CCSER1: variants seen among roughly 807,000 people sequenced by gnomAD.
CCSER1 encodes coiled-coil serine rich protein 1, also known as serine-rich coiled-coil domain-containing protein 1.
Under a neutral mutation model 82.0 loss-of-function variants are expected in CCSER1, and 41 were observed. The ratio of observed to expected loss-of-function variants is 0.50; its 90% CI spans 0.39 to 0.65. CCSER1 has a LOEUF of 0.65. CCSER1 is among the 30% of genes least tolerant of loss of function. CCSER1 has a pLI of 0.00. For missense variants in CCSER1, 1,119 were observed against 1,064.2 expected (o/e 1.05, Z -0.72); for synonymous variants, 414 against 383.9 (o/e 1.08, Z -0.92).
intron 9 of CCSER1, among the ~76,000 whole-genome samples, chr4:91,020,670 A>G (rs1739873314): frequency 6.6e-6 from 1 of 152,200 alleles, no homozygotes; most frequent in South Asian, 2.1e-4. Context: ...TCAAAAAAAA[A>G]AAAGTACATA....
chr4:90,216,703 A>T (rs961173031), intron 1 of CCSER1, among the ~76,000 whole-genome samples: 1 of 152,110 alleles, frequency 6.6e-6, no homozygotes, highest in Non-Finnish European at 1.5e-5. Flanking sequence ...TCCATAGTAC[A>T]GTGTGATGCT....
At chr4:91,230,210 T>C (rs1369787040) in intron 10 of CCSER1, among the ~76,000 whole-genome samples, 1 of 152,092 alleles carries the variant, frequency 6.6e-6, no homozygotes, top group Non-Finnish European at 1.5e-5. Flanking sequence ...GCACAAAAGT[T>C]GAATCCATTT....
intron 1 of CCSER1, among the ~76,000 whole-genome samples, chr4:90,301,480 T>A (rs1028898552): frequency 6.6e-6 from 1 of 152,200 alleles, no homozygotes; most frequent in African/African-American, 2.4e-5. Flanking sequence ...AAACTGAGTT[T>A]TATTTCTAAT....
At chr4:90,544,066 A>G (rs940724457) in intron 5 of CCSER1, among the ~76,000 whole-genome samples, 1 of 152,090 alleles carries the variant, frequency 6.6e-6, no homozygotes, top group African/African-American at 2.4e-5. Context: ...CTGAGCCCCA[A>G]TTCCCAGGGG....
intron 3 of CCSER1, among the ~76,000 whole-genome samples, chr4:90,330,464 C>G (rs992526497): frequency 1.3e-5 from 2 of 152,114 alleles, no homozygotes; most frequent in South Asian, 2.1e-4. Flanking sequence ...TTATCTTTCT[C>G]TCTTTTATTT....
intron 9 of CCSER1, among the ~76,000 whole-genome samples, chr4:91,038,317 G>C (rs890433464): frequency 8.6e-5 from 13 of 151,484 alleles, no homozygotes; most frequent in African/African-American, 3.2e-4. Flanking sequence ...ATAAATGAAA[G>C]ATGACACAAT....
At chr4:90,758,632 T>C (rs1187253711) in intron 7 of CCSER1, among the ~76,000 whole-genome samples, 1 of 152,164 alleles carries the variant, frequency 6.6e-6, no homozygotes, top group African/African-American at 2.4e-5. Context: ...GGTGTTATTT[T>C]TAAGTGTTTT....
chr4:90,483,781 C>T (rs1692260937), intron 5 of CCSER1, among the ~76,000 whole-genome samples: 1 of 152,182 alleles, frequency 6.6e-6, no homozygotes, highest in South Asian at 2.1e-4. Flanking sequence ...GATAACCCAA[C>T]CTTTCTCTCT....
rs527643054 is a variant in CCSER1 at position 91,556,854 on chromosome 4, T to C, written c.2218-41718T>C. Among the ~76,000 whole-genome samples the C allele has an allele frequency of 4.0e-5, 6 of 151,342 alleles. No individual in the cohort carries two copies. In the South Asian group the frequency reaches 6.2e-4, roughly 16 times the overall value. ...GATTTCTTTGAATGTAAGAATTATATGAAATGATTAGAATGTTTTTGTTTT... is the reference window on the plus strand; with the variant it reads ...GATTTCTTTGAATGTAAGAATTATACGAAATGATTAGAATGTTTTTGTTTT... On this transcript the variant is annotated intron_variant, in intron 10 of 10. Coordinates refer to ENST00000509176, the MANE Select transcript of CCSER1 (RefSeq NM_001145065.2).
At chr4:90,864,311 G>T (rs533048720) in intron 8 of CCSER1, among the ~76,000 whole-genome samples, 1 of 152,054 alleles carries the variant, frequency 6.6e-6, no homozygotes, top group East Asian at 1.9e-4. Flanking sequence ...GTTTGAAAGT[G>T]TCCCCCAAAG....
At chr4:91,474,722 G>A (rs1268570733) in intron 10 of CCSER1, among the ~76,000 whole-genome samples, 1 of 145,880 alleles carries the variant, frequency 6.9e-6, no homozygotes, top group African/African-American at 2.5e-5. Flanking sequence ...GCTAAATTTA[G>A]GCACACATGT....
At chr4:91,484,282 T>C (rs1358911296) in intron 10 of CCSER1, among the ~76,000 whole-genome samples, 2 of 152,178 alleles carry the variant, frequency 1.3e-5, no homozygotes, top group African/African-American at 4.8e-5. Flanking sequence ...TCTATTCTTA[T>C]ATCTTTGCAA....
At chr4:90,223,806 A>G (rs539287685) in intron 1 of CCSER1, among the ~76,000 whole-genome samples, 1 of 152,354 alleles carries the variant, frequency 6.6e-6, no homozygotes, top group Admixed American at 6.5e-5. Flanking sequence ...TGCTCATTGT[A>G]GGCCCAAATT....
chr4:90,254,325 A>G (rs1012842798), intron 1 of CCSER1, among the ~76,000 whole-genome samples: 4 of 152,130 alleles, frequency 2.6e-5, no homozygotes, highest in Non-Finnish European at 5.9e-5. Context: ...GAAGTCGCTC[A>G]CTTCTCTAGG....
intron 10 of CCSER1, among the ~76,000 whole-genome samples, chr4:91,538,698 C>CATATATTATGTAGATATATATATATAT: frequency 2.9e-5 from 4 of 138,340 alleles, no homozygotes; most frequent in African/African-American, 1.1e-4. Flanking sequence ...TATATATACA[C>CATATATTATGTAGATATATATATATAT]ATATATATAT....
chr4:90,817,055 T>C (rs1043753921), intron 8 of CCSER1, among the ~76,000 whole-genome samples: 1 of 152,126 alleles, frequency 6.6e-6, no homozygotes, highest in African/African-American at 2.4e-5. Flanking sequence ...CAAAATAACC[T>C]TTTATAAACC....
intron 9 of CCSER1, among the ~76,000 whole-genome samples, chr4:90,986,689 T>G (rs1411716114): frequency 6.6e-6 from 1 of 151,784 alleles, no homozygotes; most frequent in African/African-American, 2.4e-5. Flanking sequence ...TGAGTTGGTC[T>G]TGGGTAAAAA....
intron 9 of CCSER1, among the ~76,000 whole-genome samples, chr4:90,972,351 C>A (rs554640120): frequency 6.6e-6 from 1 of 151,534 alleles, no homozygotes; most frequent in South Asian, 2.1e-4. Flanking sequence ...TGTTGTACAC[C>A]TTAAGTTTAT....
intron 10 of CCSER1, among the ~76,000 whole-genome samples, chr4:91,436,069 T>C (rs964289354): frequency 4.6e-5 from 7 of 152,244 alleles, no homozygotes; most frequent in Non-Finnish European, 1.0e-4. Flanking sequence ...AGATTAATTA[T>C]ATCACTGTAG....
Sources: allele counts gnomAD v4.1 joint callset (sites outside exome capture counted in the v4.1 genomes callset), GRCh38; gene constraint gnomAD v4.1.1; transcripts MANE v1.5; gene names NCBI Gene and HGNC (gene_info 2026-07-23, HGNC 2026-07-21).